RAB21: variants seen among roughly 807,000 people sequenced by gnomAD.
RAB21 encodes the protein ras-related protein Rab-21.
A neutral mutation model predicts 33.1 loss-of-function variants in RAB21; 13 were observed. The observed-to-expected ratio is 0.39, with a 90% CI of 0.26 to 0.62. The LOEUF (loss-of-function observed/expected upper bound fraction) is 0.62. Among genes scored for constraint, RAB21 ranks in the 20% least tolerant of loss-of-function variants. The pLI is 0.48. For missense variants in RAB21, 234 were observed against 279.1 expected (o/e 0.84, Z 1.15); for synonymous variants, 91 against 103.7 (o/e 0.88, Z 0.74).
intron 4 of RAB21, among the ~76,000 whole-genome samples, chr12:71,779,407 T>C (rs1883166014): frequency 6.6e-6 from 1 of 152,130 alleles, no homozygotes; most frequent in African/African-American, 2.4e-5. Context: ...AGAGCCGTGT[T>C]CACGCCACTG....
rs1050113673 is a variant in RAB21 at position 71,787,530 on chromosome 12, A to G, written c.*1857A>G. The G allele has an allele frequency of 2.0e-5, 3 of 152,232 alleles. No individual in the cohort carries two copies. Among genetic ancestry groups the G allele is most frequent in the Admixed American group, 1.3e-4 (2 of 15,286 alleles). The allele number at this position is 152,232 out of a possible 1,614,324, so 9.4% of individuals were successfully genotyped here. The stretch of plus-strand genomic sequence containing the variant: ...AAGAGGCTATAAAGAGATTATAGTT[A>G]CAAAAGAAATACTGCCATATTTTTA... On this transcript the variant is annotated 3_prime_UTR_variant, in exon 7 of 7. Transcript: ENST00000261263.
At chr12:71,759,374 TGAAA>T (rs1882836709) in intron 1 of RAB21, among the ~76,000 whole-genome samples, 1 of 152,186 alleles carries the variant, frequency 6.6e-6, no homozygotes, top group South Asian at 2.1e-4. Flanking sequence ...TTAAAGACTA[TGAAA>T]GAAAGCAGAG....
At position 71,796,903 on chromosome 12, in the gene RAB21, A is replaced by T. The variant is rs12815661; in HGVS notation, c.*11230A>T. 6.6e-6 allele frequency: 1 copy of T among 152,238 alleles called. No individual in the cohort carries two copies. Among genetic ancestry groups the T allele is most frequent in the South Asian group, 2.1e-4 (1 of 4,836 alleles). The allele number at this position is 152,238 out of a possible 1,614,324, so 9.4% of individuals were successfully genotyped here. ...ACATTTTAAAGATTTGTGAGAGGAA[A>T]AAAGCATTAGATGCGATAGAATGGA... On this transcript the variant is annotated 3_prime_UTR_variant, in exon 7 of 7. Transcript: ENST00000261263.
chr12:71,795,085 A>G lies in RAB21; in HGVS notation c.*9412A>G, dbSNP rs953796319. 2.0e-5 allele frequency: 3 copies of G among 152,292 alleles called. 1 individual carries two copies. The South Asian group carries it at 6.2e-4, about 32-fold the overall frequency. 9.4% of individuals were successfully genotyped at this position (152,292 alleles called of 1,614,324 possible). ...TTCTTAAATATGGAACTAAGAGCTA[A>G]AGAGTTCAATGATGATTAAGACCAC... On this transcript the variant is annotated 3_prime_UTR_variant, in exon 7 of 7. Transcript: ENST00000261263.
At chr12:71,777,801 T>C (rs1451977369) in intron 4 of RAB21, among the ~76,000 whole-genome samples, 2 of 152,296 alleles carry the variant, frequency 1.3e-5, no homozygotes, top group East Asian at 3.9e-4. Context: ...TGTGTCAGTA[T>C]GTCTCCCACA....
intron 1 of RAB21, among the ~76,000 whole-genome samples, chr12:71,759,530 T>C (rs955577017): frequency 5.3e-5 from 8 of 152,242 alleles, no homozygotes; most frequent in Admixed American, 3.9e-4. Context: ...CCCCTCCTCC[T>C]TCCCTTGAGT....
Position 71,787,528 on chromosome 12 carries a change from T to G in RAB21, c.*1855T>G, listed in dbSNP as rs1883313042. On this transcript the variant is annotated 3_prime_UTR_variant, in exon 7 of 7. Transcript: ENST00000261263. The stretch of plus-strand genomic sequence containing the variant: ...TTAAGAGGCTATAAAGAGATTATAG[T>G]TACAAAAGAAATACTGCCATATTTT... 1 of 152,164 alleles carries G rather than the reference T, an allele frequency of 6.6e-6. No homozygotes were observed. The highest frequency in any genetic ancestry group is 1.5e-5 in the Non-Finnish European group (1 of 68,038). The allele number at this position is 152,164 out of a possible 1,614,324, so 9.4% of individuals were successfully genotyped here. A position where few individuals can be genotyped will look rare whatever the true frequency, so the allele number is the denominator to read the frequency against.
At chr12:71,765,756 A>G (rs1882951626) in intron 1 of RAB21, among the ~76,000 whole-genome samples, 1 of 152,052 alleles carries the variant, frequency 6.6e-6, no homozygotes, top group South Asian at 2.1e-4. Context: ...AAGATCAGGT[A>G]AGTGTAAGTA....
chr12:71,785,813 C>T lies in RAB21; in HGVS notation c.*140C>T, dbSNP rs1369818510. ...AGTATTTTAAATTACGTTTATAACACTGCAGAGACCTTAAGTGCTAAACTT... is the reference window on the plus strand; with the variant it reads ...AGTATTTTAAATTACGTTTATAACATTGCAGAGACCTTAAGTGCTAAACTT... On this transcript the variant is annotated 3_prime_UTR_variant, in exon 7 of 7. Coordinates refer to ENST00000261263, the MANE Select transcript of RAB21 (RefSeq NM_014999.4). 4.4e-6 allele frequency: 4 copies of T among 909,216 alleles called. No homozygotes were observed. Among genetic ancestry groups the T allele is most frequent in the African/African-American group, 1.7e-5 (1 of 58,900 alleles). The allele number at this position is 909,216 out of a possible 1,614,324, so 56.3% of individuals were successfully genotyped here. A position where few individuals can be genotyped will look rare whatever the true frequency, so the allele number is the denominator to read the frequency against.
In RAB21 at chr12:71,769,269, C is replaced by G. The variant is rs1883005971; in HGVS notation, c.160-531C>G. 4.6e-5 allele frequency among the ~76,000 whole-genome samples: 7 copies of G among 152,136 alleles called. No individual in the cohort carries two copies. The South Asian group carries it at 1.4e-3, about 31-fold the overall frequency. ...AATTATCACATGGAATCGTAATTCT[C>G]TTTATTTTTATTTCTCTAGTAGAGT... On this transcript the variant is annotated intron_variant, in intron 1 of 6. Transcript: ENST00000261263.
At chr12:71,765,782 G>A (rs1291201612) in intron 1 of RAB21, among the ~76,000 whole-genome samples, 1 of 151,878 alleles carries the variant, frequency 6.6e-6, no homozygotes, top group Non-Finnish European at 1.5e-5. Context: ...CTTTATTTCT[G>A]CGTTCTCTAT....
chr12:71,763,107 A>G (rs796316241), intron 1 of RAB21, among the ~76,000 whole-genome samples: 3 of 147,676 alleles, frequency 2.0e-5, no homozygotes, highest in Non-Finnish European at 1.5e-5. Context: ...GCACGCACAC[A>G]CACACACACA....
intron 1 of RAB21, among the ~76,000 whole-genome samples, chr12:71,763,877 T>C (rs1882916073): frequency 6.6e-6 from 1 of 152,148 alleles, no homozygotes; most frequent in African/African-American, 2.4e-5. Flanking sequence ...GAAAAACCAT[T>C]GTGGAGTCAG....
At chr12:71,775,053 A>G (rs968044063) in intron 4 of RAB21, among the ~76,000 whole-genome samples, 8 of 152,228 alleles carry the variant, frequency 5.3e-5, no homozygotes, top group African/African-American at 4.8e-5. Context: ...CAAGTAGATC[A>G]TGATCCCAGG....
At chr12:71,757,073 A>G (rs778654560) in intron 1 of RAB21, among the ~76,000 whole-genome samples, 13 of 152,174 alleles carry the variant, frequency 8.5e-5, no homozygotes, top group Non-Finnish European at 1.3e-4. Flanking sequence ...CCTTTATGCA[A>G]AGATCTAAGA....
intron 2 of RAB21, among the ~76,000 whole-genome samples, 168 bp downstream of exon 2, chr12:71,770,027 G>A (rs924277791): frequency 6.6e-6 from 1 of 151,300 alleles, no homozygotes; most frequent in African/African-American, 2.4e-5. Flanking sequence ...GAATATTGCT[G>A]TCATAACTTT....
At position 71,797,924 on chromosome 12, in the gene RAB21, A is replaced by G. The variant is rs897766277; in HGVS notation, c.*12251A>G. On this transcript the variant is annotated 3_prime_UTR_variant, in exon 7 of 7. Coordinates refer to ENST00000261263, the MANE Select transcript of RAB21 (RefSeq NM_014999.4). ...TACCTCATAAACCAAAATGCATTCCAGTTTAAATATGAAAACTGAAATGTT... is the reference window on the plus strand; with the variant it reads ...TACCTCATAAACCAAAATGCATTCCGGTTTAAATATGAAAACTGAAATGTT... 2.6e-5 allele frequency: 4 copies of G among 152,170 alleles called. No individual in the cohort carries two copies. Among genetic ancestry groups the G allele is most frequent in the African/African-American group, 9.7e-5 (4 of 41,436 alleles). 9.4% of individuals were successfully genotyped at this position (152,170 alleles called of 1,614,324 possible). A position where few individuals can be genotyped will look rare whatever the true frequency, so the allele number is the denominator to read the frequency against.
In RAB21 at chr12:71,789,447, A is replaced by G. The variant is rs1445057290; in HGVS notation, c.*3774A>G. On this transcript the variant is annotated 3_prime_UTR_variant, in exon 7 of 7. Transcript: ENST00000261263. ...TAAAAGTAGTTTGATCTGTGCCTTT[A>G]ACTTTTAGAATTCATCTTTTGACTT... 1.3e-5 allele frequency: 2 copies of G among 152,126 alleles called. No individual in the cohort carries two copies. The highest frequency in any genetic ancestry group is 1.3e-4 in the Admixed American group (2 of 15,272). 9.4% of individuals were successfully genotyped at this position (152,126 alleles called of 1,614,324 possible).
intron 3 of RAB21, among the ~76,000 whole-genome samples, chr12:71,773,496 G>C (rs1322921620): frequency 3.3e-5 from 5 of 149,788 alleles, no homozygotes; most frequent in Admixed American, 6.7e-5. Flanking sequence ...AATTTTTTTT[G>C]GTGCTTATAT....
Sources: gnomAD v4.1 joint callset for allele counts (sites outside exome capture counted in the v4.1 genomes callset) on GRCh38, gnomAD v4.1.1 for gene constraint, MANE v1.5 for transcripts, NCBI Gene and HGNC (gene_info 2026-07-23, HGNC 2026-07-21) for gene names.